DENND6A: variants seen among roughly 807,000 people sequenced by gnomAD.
DENND6A encodes the protein protein DENND6A.
A neutral mutation model predicts 95.5 loss-of-function variants in DENND6A; 43 were observed. The ratio of observed to expected loss-of-function variants is 0.45; its 90% CI spans 0.35 to 0.58. The LOEUF is 0.58. Ranked by LOEUF, DENND6A falls within the 20% of genes least tolerant of loss-of-function variation. The probability of loss-of-function intolerance (pLI) is 0.00; values close to 1 mark genes in which losing one functional copy is unlikely to be tolerated. For missense variants in DENND6A, 574 were observed against 736.0 expected, an observed-to-expected ratio of 0.78 and a Z score of 2.55; for synonymous variants, 257 against 260.4, an observed-to-expected ratio of 0.99 and a Z score of 0.13.
intron 12 of DENND6A, among the ~76,000 whole-genome samples, chr3:57,639,033 G>A (rs2070867585): frequency 6.6e-6 from 1 of 152,158 alleles, no homozygotes; most frequent in African/African-American, 2.4e-5. Context: ...AGGAGTTCAA[G>A]GTTACAGTGA....
chr3:57,655,762 A>T (rs1240538843), intron 9 of DENND6A, among the ~76,000 whole-genome samples: 1 of 152,196 alleles, frequency 6.6e-6, no homozygotes, highest in East Asian at 1.9e-4. Context: ...AAAAGTCCAA[A>T]ATCCAAAACA....
chr3:57,637,158 G>T (rs1448271400), intron 12 of DENND6A, among the ~76,000 whole-genome samples: 1 of 152,068 alleles, frequency 6.6e-6, no homozygotes, highest in Non-Finnish European at 1.5e-5. Flanking sequence ...GTTTATTTAT[G>T]ATGCCCATTT....
chr3:57,680,265 C>T (rs1328181022), intron 1 of DENND6A, among the ~76,000 whole-genome samples: 1 of 152,138 alleles, frequency 6.6e-6, no homozygotes, highest in East Asian at 1.9e-4. Flanking sequence ...ACCAAAAGCA[C>T]AAACAACAAA....
At chr3:57,690,384 G>T (rs1221771823) in intron 1 of DENND6A, among the ~76,000 whole-genome samples, 1 of 151,768 alleles carries the variant, frequency 6.6e-6, no homozygotes, top group Non-Finnish European at 1.5e-5. Flanking sequence ...GGTGCCTGTA[G>T]TCCCAGCAAC....
intron 9 of DENND6A, among the ~76,000 whole-genome samples, chr3:57,652,932 T>C (rs1175956501): frequency 6.6e-6 from 1 of 152,230 alleles, no homozygotes; most frequent in African/African-American, 2.4e-5. Context: ...CAACAGATGA[T>C]TCTCAACTAG....
intron 2 of DENND6A, 23 bp downstream of exon 2, chr3:57,672,377 T>C (rs372355807): frequency 1.9e-4 from 308 of 1,612,322 alleles, no homozygotes; most frequent in Middle Eastern, 5.1e-4. Flanking sequence ...CAGTAAACTA[T>C]ACAGAGCAGT....
At chr3:57,638,053 G>A (rs1031110556) in intron 12 of DENND6A, among the ~76,000 whole-genome samples, 7 of 151,904 alleles carry the variant, frequency 4.6e-5, no homozygotes, top group African/African-American at 1.7e-4. Flanking sequence ...AGAATCACTT[G>A]AACCCAGGAG....
Position 57,629,488 on chromosome 3 carries a change from TA to T in DENND6A, c.1621-604del, listed in dbSNP as rs1014831072. 4.7e-3 allele frequency among the ~76,000 whole-genome samples: 577 copies of T among 123,906 alleles called. 3 individuals are homozygous for T. Among genetic ancestry groups the T allele is most frequent in the African/African-American group, 0.016 (546 of 33,786 alleles). 81.3% of individuals were successfully genotyped at this position (123,906 alleles called of 152,430 possible). On this transcript the variant is annotated intron_variant, in intron 18 of 19. Transcript: ENST00000311128. Reference sequence around the variant, plus strand: ...TAAAATAGGCTGGTAATACAGAACATAAAAAAAAAATCAGTCCGCTTTTTTT... The same window carrying T: ...TAAAATAGGCTGGTAATACAGAACATAAAAAAAAATCAGTCCGCTTTTTTT...
At chr3:57,690,129 G>C (rs1460255520) in intron 1 of DENND6A, among the ~76,000 whole-genome samples, 1 of 149,870 alleles carries the variant, frequency 6.7e-6, no homozygotes, top group Non-Finnish European at 1.5e-5. Flanking sequence ...TGTATCACTT[G>C]AGGTCAGGAG....
At chr3:57,654,754 C>T in intron 9 of DENND6A, 1 of 985,380 alleles carries the variant, frequency 1.0e-6, no homozygotes, top group Non-Finnish European at 1.2e-6. Flanking sequence ...CGCCTACACT[C>T]AACTGTATCT....
At position 57,692,813 on chromosome 3, in the gene DENND6A, C is replaced by G; in HGVS notation, c.206G>C (p.Gly69Ala). 6.4e-7 allele frequency: 1 copy of G among 1,565,716 alleles called. No individual in the cohort carries two copies. The highest frequency in any genetic ancestry group is 8.6e-7 in the Non-Finnish European group (1 of 1,160,254). The change falls in exon 1 of 20, where the codon GGC becomes GCC. Residue 69 changes from glycine to alanine, a missense_variant. Around this residue, in one of 2 missense-constraint regions of DENND6A, gnomAD observed 122 missense variants for 105.1 expected, o/e 1.16. Coordinates refer to ENST00000311128, the MANE Select transcript of DENND6A (RefSeq NM_152678.3). Reference protein sequence around the residue: ...SAWLHCVCVVGFDLELGQAVE... With the variant: ...SAWLHCVCVVAFDLELGQAVE... ...GGCCTGGCCCAGCTCCAGGTCGAAG[C>G]CCACCACACACACGCAGTGCAGCCA...
chr3:57,638,274 A>G (rs907096122), intron 12 of DENND6A, among the ~76,000 whole-genome samples: 3 of 150,608 alleles, frequency 2.0e-5, no homozygotes, highest in African/African-American at 7.3e-5. Context: ...AAGAATTCCT[A>G]TAACTAAAAA....
chr3:57,647,371 A>G (rs1481796909), intron 9 of DENND6A, among the ~76,000 whole-genome samples: 1 of 152,120 alleles, frequency 6.6e-6, no homozygotes, highest in Non-Finnish European at 1.5e-5. Flanking sequence ...TCAGTCCTAA[A>G]GCAGAACATG....
chr3:57,653,270 C>G (rs1407519094), intron 9 of DENND6A, among the ~76,000 whole-genome samples: 2 of 152,092 alleles, frequency 1.3e-5, no homozygotes, highest in South Asian at 2.1e-4. Context: ...AAATTATTGT[C>G]TTTCAAGTAT....
chr3:57,641,528 T>C, intron 12 of DENND6A, 125 bp downstream of exon 12: 1 of 658,378 alleles, frequency 1.5e-6, no homozygotes. Context: ...AGCAGGAAAT[T>C]ATACCCTTCT....
chr3:57,633,938 T>C (rs2070739380), intron 14 of DENND6A, among the ~76,000 whole-genome samples: 1 of 151,912 alleles, frequency 6.6e-6, no homozygotes, highest in South Asian at 2.1e-4. Context: ...TTATTTTATA[T>C]TTGCTATACT....
At chr3:57,676,778 T>C (rs2071716429) in intron 1 of DENND6A, among the ~76,000 whole-genome samples, 1 of 152,200 alleles carries the variant, frequency 6.6e-6, no homozygotes, top group African/African-American at 2.4e-5. Flanking sequence ...TATGGGCTTT[T>C]TCTTTAATTC....
At chr3:57,637,154 T>G in intron 12 of DENND6A, among the ~76,000 whole-genome samples, 1 of 152,142 alleles carries the variant, frequency 6.6e-6, no homozygotes, top group East Asian at 1.9e-4. Flanking sequence ...AAGAGTTTAT[T>G]TATGATGCCC....
At chr3:57,640,553 G>T (rs1309091107) in intron 12 of DENND6A, among the ~76,000 whole-genome samples, 3 of 152,168 alleles carry the variant, frequency 2.0e-5, no homozygotes, top group Non-Finnish European at 4.4e-5. Context: ...ACTCCAGCCT[G>T]GGCAACAGAG....
Sources: allele counts gnomAD v4.1 joint callset (sites outside exome capture counted in the v4.1 genomes callset), GRCh38; gene constraint gnomAD v4.1.1; regional missense constraint gnomAD v4.1.1; transcripts MANE v1.5; gene names NCBI Gene and HGNC (gene_info 2026-07-23, HGNC 2026-07-21).